Variants in KTN1 observed in about 807,000 individuals in gnomAD.
The protein encoded by KTN1 is kinectin 1, also known as kinectin.
KTN1 carries 130 observed loss-of-function variants against 222.5 expected under a neutral mutation model. The observed-to-expected ratio is 0.58, with a 90% CI of 0.51 to 0.68. The LOEUF (loss-of-function observed/expected upper bound fraction) is 0.68, where lower values mean the gene tolerates loss of function less well. Ranked by LOEUF, KTN1 falls within the 30% of genes least tolerant of loss-of-function variation. The probability of loss-of-function intolerance (pLI) is 0.00; values close to 1 mark genes in which losing one functional copy is unlikely to be tolerated. For synonymous variants in KTN1, 512 were observed against 496.3 expected (o/e 1.03, Z -0.42); for missense variants, 1,508 against 1,500.4 (o/e 1.01, Z -0.08).
chr14:55,589,257 A>G (rs141384865), intron 1 of KTN1, among the ~76,000 whole-genome samples: 24 of 152,334 alleles, frequency 1.6e-4, no homozygotes, highest in African/African-American at 5.8e-4. Context: ...ATTTAAGCAG[A>G]AAGTCCTGGC....
At chr14:55,638,242 C>G (rs567341335) in intron 12 of KTN1, among the ~76,000 whole-genome samples, 11 of 151,814 alleles carry the variant, frequency 7.2e-5, no homozygotes, top group Non-Finnish European at 1.3e-4. Flanking sequence ...AACCATAGAT[C>G]ACAGATTATA....
intron 29 of KTN1, among the ~76,000 whole-genome samples, 194 bp from the exon 30 acceptor site, chr14:55,658,352 C>G (rs964134367): frequency 6.6e-6 from 1 of 152,170 alleles, no homozygotes; most frequent in Non-Finnish European, 1.5e-5. Context: ...TTGAGACATG[C>G]AAACTCCGCA....
At chr14:55,611,722 A>G (rs2037606809) in intron 1 of KTN1, among the ~76,000 whole-genome samples, 2 of 152,226 alleles carry the variant, frequency 1.3e-5, no homozygotes, top group South Asian at 4.1e-4. Context: ...ATATTTCGGG[A>G]AAAGAAAGTA....
chr14:55,636,012 C>T (rs187580715), intron 9 of KTN1, among the ~76,000 whole-genome samples: 1 of 152,172 alleles, frequency 6.6e-6, no homozygotes, highest in Non-Finnish European at 1.5e-5. Context: ...AGATTATAGT[C>T]ATGATTGGAG....
At chr14:55,601,977 C>G (rs1047986047) in intron 1 of KTN1, 4 of 152,140 alleles carry the variant, frequency 2.6e-5, no homozygotes, top group African/African-American at 9.7e-5. Context: ...CTCAAGTGAT[C>G]CACCCGCTGT....
chr14:55,673,281 A>AAAT, intron 40 of KTN1, 26 bp downstream of exon 40: 1 of 1,459,252 alleles, frequency 6.9e-7, no homozygotes, highest in South Asian at 1.1e-5. Context: ...TCCACTGGGT[A>AAAT]TCAAGTAGGC....
chr14:55,671,423 C>T (rs2045438308), intron 35 of KTN1, 143 bp from the exon 36 acceptor site: 2 of 603,674 alleles, frequency 3.3e-6, no homozygotes, highest in South Asian at 2.3e-5. Flanking sequence ...TTCATCGCTA[C>T]TTAGAAAGGT....
intron 18 of KTN1, among the ~76,000 whole-genome samples, chr14:55,642,039 A>G (rs1177568238): frequency 6.6e-6 from 1 of 152,228 alleles, no homozygotes; most frequent in Non-Finnish European, 1.5e-5. Context: ...GACTTTCAGA[A>G]TAAATGTCCT....
chr14:55,669,896 A>G (rs886295222), intron 34 of KTN1, among the ~76,000 whole-genome samples: 4 of 152,072 alleles, frequency 2.6e-5, no homozygotes, highest in Non-Finnish European at 5.9e-5. Flanking sequence ...ATAGCAGTTA[A>G]TAAAAATTTC....
intron 1 of KTN1, among the ~76,000 whole-genome samples, chr14:55,596,876 T>G (rs2035132756): frequency 6.6e-6 from 1 of 152,128 alleles, no homozygotes; most frequent in Non-Finnish European, 1.5e-5. Context: ...CTACACTTAT[T>G]TCCAATTCAA....
intron 35 of KTN1, 50 bp downstream of exon 35, chr14:55,670,859 C>T: frequency 1.6e-6 from 2 of 1,252,626 alleles, no homozygotes; most frequent in South Asian, 1.3e-5. Context: ...AAAAAAGAAG[C>T]AAATAAGATT....
chr14:55,670,048 A>G (rs941500429), intron 34 of KTN1, among the ~76,000 whole-genome samples: 4 of 152,060 alleles, frequency 2.6e-5, no homozygotes, highest in Non-Finnish European at 2.9e-5. Flanking sequence ...AATTTATTCT[A>G]AAATTTAGAA....
In KTN1 at chr14:55,684,403, C is replaced by T. The variant is rs1289061884; in HGVS notation, c.*300C>T. 2 of 295,108 alleles carry T rather than the reference C, an allele frequency of 6.8e-6. No homozygotes were observed. The highest frequency in any genetic ancestry group is 1.2e-5 in the Non-Finnish European group (2 of 160,188). The allele number at this position is 295,108 out of a possible 1,614,324, so 18.3% of individuals were successfully genotyped here. On this transcript the variant is annotated 3_prime_UTR_variant, in exon 44 of 44. Coordinates refer to ENST00000395314, the MANE Select transcript of KTN1 (RefSeq NM_001079521.2). Reference sequence around the variant, plus strand: ...TGCTCAATAAAATTGTTCAGAAGATCAAAGTGGTAAAGACAATGTAAAATT... The same window carrying T: ...TGCTCAATAAAATTGTTCAGAAGATTAAAGTGGTAAAGACAATGTAAAATT...
At chr14:55,650,529 GT>G (rs771234901) in intron 23 of KTN1, 39 bp from the exon 24 acceptor site, 610 of 1,551,544 alleles carry the variant, frequency 3.9e-4, no homozygotes, top group Non-Finnish European at 5.1e-4. Flanking sequence ...CAATTTCTGT[GT>G]TTCCATTGTC....
At chr14:55,657,017 T>TTGATTTGAAGTCATA (rs1402139264) in intron 29 of KTN1, among the ~76,000 whole-genome samples, 1 of 152,238 alleles carries the variant, frequency 6.6e-6, no homozygotes, top group African/African-American at 2.4e-5. Context: ...TTACAGAAGA[T>TTGATTTGAAGTCATA]TGATTTGAAG....
rs370891465 is a variant in KTN1 at position 55,674,889 on chromosome 14, G to A, written c.3772-946G>A. On this transcript the variant is annotated intron_variant, in intron 40 of 43. Transcript: ENST00000395314. Reference sequence around the variant, plus strand: ...AGCTTTGTTTGCCTGTACGTGCTTTGTGTATTCTTGGGCCAAAAGATTAAT... The same window carrying A: ...AGCTTTGTTTGCCTGTACGTGCTTTATGTATTCTTGGGCCAAAAGATTAAT... The A allele has an allele frequency of 9.3e-4, 142 of 152,168 alleles. 1 individual carries two copies. The highest frequency in any genetic ancestry group is 3.4e-3 in the African/African-American group (141 of 41,536). The allele number at this position is 152,168 out of a possible 1,614,324, so 9.4% of individuals were successfully genotyped here.
chr14:55,677,739 C>A (rs2141386152), intron 41 of KTN1, among the ~76,000 whole-genome samples: 1 of 152,212 alleles, frequency 6.6e-6, no homozygotes, highest in African/African-American at 2.4e-5. Flanking sequence ...GCTCTTATTG[C>A]CCAGGCTGGA....
intron 3 of KTN1, 78 bp downstream of exon 3, chr14:55,616,732 C>A: frequency 2.7e-6 from 3 of 1,131,844 alleles, no homozygotes; most frequent in Non-Finnish European, 3.8e-6. Context: ...GAATCTCACA[C>A]GCTCTTTAGC....
chr14:55,642,820 A>G (rs1316728632), intron 18 of KTN1, among the ~76,000 whole-genome samples: 2 of 151,996 alleles, frequency 1.3e-5, no homozygotes, highest in African/African-American at 4.8e-5. Context: ...CTTACTTTGT[A>G]TTTGCTTTAC....
Sources: gnomAD v4.1 joint callset for allele counts (sites outside exome capture counted in the v4.1 genomes callset) on GRCh38, gnomAD v4.1.1 for gene constraint, MANE v1.5 for transcripts, NCBI Gene and HGNC (gene_info 2026-07-23, HGNC 2026-07-21) for gene names.